Variants in SAMSN1 observed in about 807,000 individuals in gnomAD.
The protein encoded by SAMSN1 is SAM domain, SH3 domain and nuclear localization signals 1.
A neutral mutation model predicts 42.0 loss-of-function variants in SAMSN1; 31 were observed. That is an observed-to-expected ratio of 0.74 (90% CI 0.55 to 1.00). The LOEUF (loss-of-function observed/expected upper bound fraction) is 1.00. Among genes scored for constraint, SAMSN1 ranks in the 50% least tolerant of loss-of-function variants. SAMSN1 has a pLI of 0.00. For synonymous variants in SAMSN1, 178 were observed against 151.9 expected (o/e 1.17, Z -1.26); for missense variants, 464 against 439.4 (o/e 1.06, Z -0.50).
At chr21:14,617,285 T>C (rs1261002978) in intron 2 of SAMSN1, among the ~76,000 whole-genome samples, 1 of 152,202 alleles carries the variant, frequency 6.6e-6, no homozygotes, top group African/African-American at 2.4e-5. Flanking sequence ...CTATGCTTTG[T>C]CATCCTGTGC....
At chr21:14,521,480 T>G (rs1436512541) in intron 1 of SAMSN1, among the ~76,000 whole-genome samples, 1 of 152,216 alleles carries the variant, frequency 6.6e-6, no homozygotes, top group African/African-American at 2.4e-5. Context: ...GTTAAATTAT[T>G]TTAAATTTTT....
chr21:14,576,600 A>G (rs764791522), intron 2 of SAMSN1, among the ~76,000 whole-genome samples: 1 of 152,216 alleles, frequency 6.6e-6, no homozygotes, highest in Non-Finnish European at 1.5e-5. Context: ...TTTATTGGTG[A>G]ACATTAGCAG....
chr21:14,632,817 G>A lies in SAMSN1; in HGVS notation c.156+10185C>T, dbSNP rs114794941. 3.4e-3 allele frequency among the ~76,000 whole-genome samples: 513 copies of A among 152,288 alleles called. 2 individuals carry two copies. Among genetic ancestry groups the A allele is most frequent in the African/African-American group, 0.011 (447 of 41,550 alleles). On this transcript the variant is annotated intron_variant, in intron 2 of 15. Coordinates refer to the SAMSN1 transcript ENST00000647101. ...TAATTTTACTCAGTGATTGTTGGCA[G>A]CATTCAATTTCCTGAAGGCTGTTGG...
chr21:14,630,447 G>T (rs1370792996), intron 2 of SAMSN1, among the ~76,000 whole-genome samples: 1 of 150,196 alleles, frequency 6.7e-6, no homozygotes, highest in African/African-American at 2.5e-5. Flanking sequence ...TCAATTAGTA[G>T]TTCTCCTGTA....
At chr21:14,658,390 A>T (rs984958284) in intron 1 of SAMSN1, among the ~76,000 whole-genome samples, 3 of 151,884 alleles carry the variant, frequency 2.0e-5, no homozygotes, top group Admixed American at 6.6e-5. Context: ...GGATGTCTCA[A>T]AGCAAAGCAA....
chr21:14,591,749 T>C (rs567282925), intron 7 of SAMSN1, among the ~76,000 whole-genome samples: 2 of 152,300 alleles, frequency 1.3e-5, no homozygotes, highest in Admixed American at 6.5e-5. Context: ...ATTTATGTAA[T>C]AGTCTTATTC....
intron 2 of SAMSN1, among the ~76,000 whole-genome samples, chr21:14,563,019 A>G (rs981877022): frequency 3.3e-5 from 5 of 152,296 alleles, no homozygotes; most frequent in African/African-American, 1.2e-4. Context: ...AATGCAGAAA[A>G]ATTGAGTATG....
intron 1 of SAMSN1, among the ~76,000 whole-genome samples, chr21:14,524,810 C>A (rs939480322): frequency 2.0e-5 from 3 of 152,024 alleles, no homozygotes; most frequent in African/African-American, 4.8e-5. Flanking sequence ...AACAGAATAA[C>A]CTCTAGCATA....
intron 2 of SAMSN1, among the ~76,000 whole-genome samples, chr21:14,575,273 A>G (rs1981423867): frequency 6.6e-6 from 1 of 152,218 alleles, no homozygotes; most frequent in African/African-American, 2.4e-5. Flanking sequence ...AAATTTCATC[A>G]TGTAAAATTG....
At chr21:14,497,318 G>T (rs538629013) in intron 7 of SAMSN1, among the ~76,000 whole-genome samples, 1 of 152,178 alleles carries the variant, frequency 6.6e-6, no homozygotes, top group East Asian at 1.9e-4. Flanking sequence ...TTTACTGCTG[G>T]GTGCGGTGGC....
At chr21:14,566,264 A>AC (rs1246288011) in intron 2 of SAMSN1, among the ~76,000 whole-genome samples, 4 of 152,210 alleles carry the variant, frequency 2.6e-5, no homozygotes, top group Non-Finnish European at 5.9e-5. Context: ...TTGCAAGACC[A>AC]TCAGAAAAAG....
chr21:14,548,141 G>GATGA (rs1160383728), upstream of SAMSN1, among the ~76,000 whole-genome samples: 3 of 152,052 alleles, frequency 2.0e-5, no homozygotes, highest in Non-Finnish European at 4.4e-5. Flanking sequence ...TTGCACCCTC[G>GATGA]ACACCCTCTT....
At chr21:14,500,403 G>A (rs1987096268) in intron 6 of SAMSN1, 126 bp downstream of exon 6, 2 of 744,928 alleles carry the variant, frequency 2.7e-6, no homozygotes, top group African/African-American at 1.8e-5. Flanking sequence ...GCTCTTCTAG[G>A]AAAACAGGTT....
chr21:14,564,424 G>T (rs971098805), intron 2 of SAMSN1, among the ~76,000 whole-genome samples: 2 of 152,154 alleles, frequency 1.3e-5, no homozygotes, highest in East Asian at 3.9e-4. Flanking sequence ...CTTAACAACA[G>T]TATCAAGTGT....
At chr21:14,491,958 AAAACTTTAATATCAGT>A in intron 7 of SAMSN1, among the ~76,000 whole-genome samples, 1 of 151,966 alleles carries the variant, frequency 6.6e-6, no homozygotes, top group Admixed American at 6.6e-5. Context: ...ATATTTTTAA[AAAACTTTAATATCAGT>A]AAACAGCACG....
rs528888424 is a variant in SAMSN1, at chr21:14,567,836, G to A, written c.261+14300C>T. ...CTCGGTGCCCTGTTGCCTCTCATTT[G>A]GAAAATTCAATTGCCTACTTTACAG... On this transcript the variant is annotated intron_variant, in intron 2 of 8. Coordinates refer to the SAMSN1 transcript ENST00000285670. Among the ~76,000 whole-genome samples, 13 of 152,050 alleles carry A rather than the reference G, an allele frequency of 8.5e-5. No homozygotes were observed. The South Asian group carries it at 2.5e-3, about 29-fold the overall frequency.
chr21:14,527,676 C>T (rs915473465), intron 1 of SAMSN1, among the ~76,000 whole-genome samples: 4 of 150,274 alleles, frequency 2.7e-5, no homozygotes, highest in African/African-American at 9.8e-5. Context: ...TAAAGATTTG[C>T]TTTCAGAAGT....
chr21:14,605,924 C>A (rs997107290), intron 5 of SAMSN1, among the ~76,000 whole-genome samples: 51 of 151,974 alleles, frequency 3.4e-4, no homozygotes, highest in African/African-American at 1.2e-3. Flanking sequence ...TCACTGCAAG[C>A]TCCGCCTCCC....
chr21:14,599,991 C>T (rs1345377521), intron 6 of SAMSN1, among the ~76,000 whole-genome samples: 2 of 151,998 alleles, frequency 1.3e-5, no homozygotes, highest in African/African-American at 2.4e-5. Flanking sequence ...ATAAAAATAC[C>T]ACTTCCTAGG....
Sources: gnomAD v4.1 joint callset for allele counts (sites outside exome capture counted in the v4.1 genomes callset) on GRCh38, gnomAD v4.1.1 for gene constraint, MANE v1.5 for transcripts, NCBI Gene and HGNC (gene_info 2026-07-23, HGNC 2026-07-21) for gene names.